DAPK1: variants seen among roughly 807,000 people sequenced by gnomAD.
The protein encoded by DAPK1 is death associated protein kinase 1.
DAPK1 carries 56 observed loss-of-function variants against 144.9 expected under a neutral mutation model. That is an observed-to-expected ratio of 0.39 (90% CI 0.31 to 0.48). The LOEUF (loss-of-function observed/expected upper bound fraction) is 0.48, where lower values mean the gene tolerates loss of function less well. Among genes scored for constraint, DAPK1 ranks in the 20% least tolerant of loss-of-function variants. DAPK1 has a pLI of 0.95. For missense variants in DAPK1, 1,454 were observed against 1,875.4 expected (o/e 0.78, Z 4.15); for synonymous variants, 690 against 749.0 (o/e 0.92, Z 1.29).
intron 3 of DAPK1, among the ~76,000 whole-genome samples, chr9:87,627,107 A>G (rs917269073): frequency 1.3e-5 from 2 of 152,268 alleles, no homozygotes; most frequent in South Asian, 2.1e-4. Flanking sequence ...AAAGGAACCT[A>G]CTATCTTCCT....
intron 2 of DAPK1, among the ~76,000 whole-genome samples, chr9:87,591,263 T>G (rs1828123139): frequency 6.6e-6 from 1 of 152,322 alleles, no homozygotes; most frequent in Middle Eastern, 3.4e-3. Context: ...TCTGAAAGCA[T>G]GTAGGCAGCT....
chr9:87,621,816 C>T (rs1452060906), intron 3 of DAPK1, among the ~76,000 whole-genome samples: 1 of 152,136 alleles, frequency 6.6e-6, no homozygotes, highest in Admixed American at 6.5e-5. Flanking sequence ...CCTCTCTACC[C>T]TCTCCTGCCT....
At chr9:87,554,864 G>T (rs1457134528) in intron 2 of DAPK1, among the ~76,000 whole-genome samples, 2 of 152,236 alleles carry the variant, frequency 1.3e-5, no homozygotes, top group Non-Finnish European at 2.9e-5. Context: ...GCTTCAGCCA[G>T]TTCTCCTGGA....
chr9:87,659,625 G>A (rs1009025147), intron 18 of DAPK1, among the ~76,000 whole-genome samples: 2 of 152,078 alleles, frequency 1.3e-5, no homozygotes, highest in African/African-American at 4.8e-5. Context: ...GGGCCCCTCT[G>A]CCCTTGCCCA....
chr9:87,688,817 A>G (rs1040560028), intron 21 of DAPK1, among the ~76,000 whole-genome samples: 4 of 151,974 alleles, frequency 2.6e-5, no homozygotes, highest in Non-Finnish European at 5.9e-5. Flanking sequence ...TAAGTTCCTT[A>G]TAGATTCTGG....
At chr9:87,639,237 C>G (rs1266198399) in intron 4 of DAPK1, 117 bp from the exon 5 acceptor site, 6 of 939,924 alleles carry the variant, frequency 6.4e-6, no homozygotes, top group South Asian at 3.6e-5. Flanking sequence ...CTTCCAACCA[C>G]CCTTTCTTCC....
At chr9:87,658,564 G>A (rs1436950755) in intron 18 of DAPK1, among the ~76,000 whole-genome samples, 2 of 152,154 alleles carry the variant, frequency 1.3e-5, no homozygotes, top group African/African-American at 4.8e-5. Context: ...CAGGCTGCCA[G>A]GTGCCGTAAG....
At chr9:87,662,562 T>TTTGTTTTTG (rs58938150) in intron 18 of DAPK1, among the ~76,000 whole-genome samples, 15 of 123,566 alleles carry the variant, frequency 1.2e-4, no homozygotes, top group African/African-American at 4.6e-4. Context: ...TATTCCTAGT[T>TTTGTTTTTG]TTTTTTTTTT....
At chr9:87,565,244 T>TGTAGAGAAAAGAGAAAGAAAAAC (rs1554683269) in intron 2 of DAPK1, among the ~76,000 whole-genome samples, 1 of 151,952 alleles carries the variant, frequency 6.6e-6, no homozygotes, top group African/African-American at 2.4e-5. Flanking sequence ...GTGTCGAGGC[T>TGTAGAGAAAAGAGAAAGAAAAAC]GTAGAGAAAG....
intron 14 of DAPK1, 64 bp from the exon 15 acceptor site, chr9:87,648,717 G>A (rs1830344476): frequency 2.1e-6 from 3 of 1,447,814 alleles, no homozygotes; most frequent in South Asian, 1.1e-5. Flanking sequence ...TAGGCCTTGG[G>A]TTCTGGTCTC....
chr9:87,651,617 C>G lies in DAPK1; in HGVS notation c.1717C>G (p.Gln573Glu), dbSNP rs1332297388. The G allele has an allele frequency of 6.2e-7, 1 of 1,614,162 alleles. No homozygotes were observed. ...CAGCCAAGGGTGTTTCGTCGATTAT[C>G]AAGACAGGCACGGCAATACTCCCCT... Reference protein sequence around the residue: ...LLSQGCFVDYQDRHGNTPLHV... With the variant: ...LLSQGCFVDYEDRHGNTPLHV... The change falls in exon 17 of 26, where the codon CAA (glutamine) becomes GAA (glutamate). Residue 573 changes from glutamine (Q) to glutamate (E), a missense_variant. Physicochemically the swap from Gln to Glu is conservative, Grantham distance 29. Around this residue, in one of 2 missense-constraint regions of DAPK1, gnomAD observed 1,025 missense variants for 1,237.9 expected, o/e 0.83. Coordinates refer to ENST00000408954, the MANE Select transcript of DAPK1 (RefSeq NM_004938.4).
At chr9:87,681,740 A>G in intron 20 of DAPK1, 114 bp downstream of exon 20, 2 of 706,218 alleles carry the variant, frequency 2.8e-6, no homozygotes, top group Non-Finnish European at 2.6e-6. Context: ...CCTATACTGG[A>G]CCCTGTGGCC....
At position 87,706,274 on chromosome 9, in the gene DAPK1, A is replaced by G. The variant is rs1326463892; in HGVS notation, c.3203A>G (p.Asp1068Gly). 1 of 1,613,368 alleles carries G rather than the reference A, an allele frequency of 6.2e-7. No individual in the cohort carries two copies. Among genetic ancestry groups the G allele is most frequent in the Non-Finnish European group, 8.5e-7 (1 of 1,179,606 alleles). The stretch of plus-strand genomic sequence containing the variant: ...TACCGGGGCCGCTACACCGTGGAGG[A>G]CATCCAGCGCCTGGTGCCCGACAGC... ...HHYRGRYTVE[D>G]IQRLVPDSDV... is the part of the protein sequence containing the mutation. Residue 1068 changes from aspartate (D) to glycine (G), a missense_variant, in exon 26 of 26, where the codon GAC becomes GGC. By Grantham distance (94) the Asp-to-Gly change is moderately conservative. Coordinates refer to ENST00000408954, the MANE Select transcript of DAPK1 (RefSeq NM_004938.4). The surrounding 1 kb of genome is among the most constrained non-coding windows in gnomAD (Gnocchi z 9.0).
At chr9:87,656,351 T>C (rs1162776648) in intron 17 of DAPK1, among the ~76,000 whole-genome samples, 1 of 152,178 alleles carries the variant, frequency 6.6e-6, no homozygotes, top group Non-Finnish European at 1.5e-5. Flanking sequence ...TGTCCCAACC[T>C]GGGCCCTTCA....
intron 2 of DAPK1, among the ~76,000 whole-genome samples, chr9:87,567,997 G>A (rs1400040236): frequency 1.3e-5 from 2 of 152,234 alleles, no homozygotes; most frequent in African/African-American, 4.8e-5. Flanking sequence ...CAAGAAGACG[G>A]TCCAAGGTCT....
chr9:87,578,005 G>C (rs1827625349), intron 2 of DAPK1, among the ~76,000 whole-genome samples: 1 of 152,020 alleles, frequency 6.6e-6, no homozygotes, highest in Non-Finnish European at 1.5e-5. Flanking sequence ...CTACCCACAG[G>C]CCATAGAACA....
chr9:87,563,382 T>C (rs1363215603), intron 2 of DAPK1, among the ~76,000 whole-genome samples: 1 of 152,206 alleles, frequency 6.6e-6, no homozygotes, highest in Non-Finnish European at 1.5e-5. Context: ...AAAGATACAG[T>C]GTGAACACCT....
Position 87,697,124 on chromosome 9 carries a change from A to G in DAPK1, c.2531A>G (p.Glu844Gly). Residue 844 changes from glutamate to glycine, a missense_variant, in exon 22 of 26, where the codon GAG (glutamate) becomes GGG (glycine). Coordinates refer to ENST00000408954, the MANE Select transcript of DAPK1 (RefSeq NM_004938.4). ...SIHVVVFSLE[E>G]PYEIQLNQVI... Reference sequence around the variant, plus strand: ...CATGTTGTTGTCTTTAGTCTAGAAGAGCCCTATGAGATCCAGCTGAACCAA... The same window carrying G: ...CATGTTGTTGTCTTTAGTCTAGAAGGGCCCTATGAGATCCAGCTGAACCAA... 6.4e-7 allele frequency: 1 copy of G among 1,566,598 alleles called. No individual in the cohort carries two copies. The highest frequency in any genetic ancestry group is 8.8e-7 in the Non-Finnish European group (1 of 1,136,564).
At chr9:87,693,359 A>G (rs1475812027) in intron 21 of DAPK1, among the ~76,000 whole-genome samples, 1 of 151,372 alleles carries the variant, frequency 6.6e-6, no homozygotes, top group Non-Finnish European at 1.5e-5. Context: ...GATCTAGTCT[A>G]TTGTTGCAGC....
Sources: gnomAD v4.1 joint callset for allele counts (sites outside exome capture counted in the v4.1 genomes callset) on GRCh38, gnomAD v4.1.1 for gene constraint, gnomAD v4.1.1 regional missense constraint, Gnocchi (gnomAD v3.1) non-coding constraint, MANE v1.5 for transcripts, NCBI Gene and HGNC (gene_info 2026-07-23, HGNC 2026-07-21) for gene names.